Variants in PACSIN2 observed in about 807,000 individuals in gnomAD.
PACSIN2 encodes the protein protein kinase C and casein kinase substrate in neurons protein 2.
In PACSIN2, 25 loss-of-function variants were observed where a neutral mutation model predicts 63.8. That is an observed-to-expected ratio of 0.39 (90% CI 0.29 to 0.55). PACSIN2 has a LOEUF of 0.55. PACSIN2 is among the 20% of genes least tolerant of loss of function. PACSIN2 has a pLI of 0.62. For synonymous variants in PACSIN2, 255 were observed against 256.2 expected, an observed-to-expected ratio of 1.00 and a Z score of 0.05; for missense variants, 518 against 646.9, an observed-to-expected ratio of 0.80 and a Z score of 2.16.
chr22:42,931,318 A>G (rs1485178132), intron 1 of PACSIN2, among the ~76,000 whole-genome samples: 1 of 152,256 alleles, frequency 6.6e-6, no homozygotes, highest in Non-Finnish European at 1.5e-5. Context: ...TCCAGAAAAC[A>G]AAACTAACAC....
intron 6 of PACSIN2, among the ~76,000 whole-genome samples, chr22:42,883,146 A>C (rs1358550555): frequency 6.6e-6 from 1 of 152,160 alleles, no homozygotes; most frequent in African/African-American, 2.4e-5. Context: ...ACAGACAAGC[A>C]TCCACACGAT....
At chr22:42,881,780 A>G (rs1346153478) in intron 7 of PACSIN2, among the ~76,000 whole-genome samples, 3 of 151,046 alleles carry the variant, frequency 2.0e-5, no homozygotes, top group Non-Finnish European at 4.4e-5. Context: ...CACTGAGACC[A>G]CCTCCCCTCC....
intron 1 of PACSIN2, among the ~76,000 whole-genome samples, chr22:42,981,808 A>C (rs868265182): frequency 4.6e-4 from 40 of 87,378 alleles, no homozygotes; most frequent in South Asian, 8.8e-4. Context: ...CCAGCCGCCC[A>C]GTCCGGGAGG....
chr22:42,982,894 C>A (rs138277431), intron 1 of PACSIN2, among the ~76,000 whole-genome samples: 19,596 of 81,514 alleles, frequency 0.24, 2,805 homozygotes, highest in East Asian at 0.71. Context: ...AAAAAAACAA[C>A]AACAAGGCTA....
At chr22:42,936,789 C>A (rs576503577) in intron 1 of PACSIN2, among the ~76,000 whole-genome samples, 2 of 151,512 alleles carry the variant, frequency 1.3e-5, no homozygotes, top group East Asian at 3.9e-4. Flanking sequence ...CACACATCTG[C>A]AATTCCAGCT....
intron 8 of PACSIN2, among the ~76,000 whole-genome samples, chr22:42,877,372 G>C (rs1296344239): frequency 6.6e-6 from 1 of 152,118 alleles, no homozygotes; most frequent in Non-Finnish European, 1.5e-5. Context: ...TGTGAGCTGG[G>C]GGGGTCAAAA....
chr22:42,911,150 C>T (rs183128152), intron 2 of PACSIN2, among the ~76,000 whole-genome samples: 1 of 151,600 alleles, frequency 6.6e-6, no homozygotes, highest in African/African-American at 2.4e-5. Flanking sequence ...AAGATCCACC[C>T]GCCTCGGCCT....
intron 1 of PACSIN2, among the ~76,000 whole-genome samples, chr22:42,925,639 T>G (rs921209020): frequency 2.0e-5 from 3 of 152,208 alleles, no homozygotes; most frequent in African/African-American, 7.2e-5. Context: ...CTGGGTAATT[T>G]TGATTTATGG....
At chr22:43,002,221 G>A (rs1180363804) in intron 1 of PACSIN2, 2 of 152,216 alleles carry the variant, frequency 1.3e-5, no homozygotes, top group Admixed American at 6.5e-5. Flanking sequence ...CCCCCAGGCT[G>A]CCTGGCAGAA....
In PACSIN2 at chr22:42,981,358, G is replaced by T. The variant is rs1922103810; in HGVS notation, c.-78+33663C>A. ...ACCCCGTCCGGGAGGGAGGTGGGGG[G>T]GGTCAGCCCCCCGCCCGACCAGCCG... On this transcript the variant is annotated intron_variant, in intron 1 of 10. Transcript: ENST00000263246. 3.4e-5 allele frequency among the ~76,000 whole-genome samples: 5 copies of T among 145,476 alleles called. No individual in the cohort carries two copies. The South Asian group carries it at 1.1e-3, about 32-fold the overall frequency.
chr22:42,986,827 T>A (rs1199651471), intron 1 of PACSIN2, among the ~76,000 whole-genome samples: 1 of 152,134 alleles, frequency 6.6e-6, no homozygotes, highest in Non-Finnish European at 1.5e-5. Flanking sequence ...TCTATCCTTT[T>A]CTACCCATTC....
rs544161328 is a variant in PACSIN2, at chr22:42,964,663, G to T, written c.-78+50358C>A. Among the ~76,000 whole-genome samples the T allele has an allele frequency of 1.7e-3, 256 of 152,134 alleles. 2 individuals carry two copies. The highest frequency in any genetic ancestry group is 6.0e-3 in the African/African-American group (248 of 41,498). On this transcript the variant is annotated intron_variant, in intron 1 of 10. Coordinates refer to ENST00000263246, the MANE Select transcript of PACSIN2 (RefSeq NM_001184970.3). ...GGCTCTACAGTTCCTATGTACCTGG[G>T]TCCCTGAACTTTGCATGCCCCAAAC...
At chr22:42,930,790 G>C (rs1172647738) in intron 1 of PACSIN2, among the ~76,000 whole-genome samples, 2 of 152,184 alleles carry the variant, frequency 1.3e-5, no homozygotes, top group African/African-American at 4.8e-5. Flanking sequence ...GCATAAGAGT[G>C]TTTAAATAAC....
chr22:42,898,291 G>A (rs1225908006), intron 2 of PACSIN2, among the ~76,000 whole-genome samples: 2 of 114,564 alleles, frequency 1.7e-5, no homozygotes, highest in African/African-American at 6.3e-5. Context: ...TTTTTTTTTT[G>A]AGACAGTTTC....
At chr22:42,970,860 G>A (rs888762286) in intron 1 of PACSIN2, among the ~76,000 whole-genome samples, 1 of 152,140 alleles carries the variant, frequency 6.6e-6, no homozygotes, top group African/African-American at 2.4e-5. Flanking sequence ...CTGACCATGA[G>A]ATGGGAGGCT....
At chr22:42,995,435 G>C (rs1470325034) in intron 1 of PACSIN2, among the ~76,000 whole-genome samples, 1 of 152,142 alleles carries the variant, frequency 6.6e-6, no homozygotes, top group East Asian at 1.9e-4. Flanking sequence ...TTGTTTCATT[G>C]CACCCTCCGT....
chr22:42,956,181 A>G (rs1260922897), intron 1 of PACSIN2, among the ~76,000 whole-genome samples: 1 of 152,242 alleles, frequency 6.6e-6, no homozygotes, highest in African/African-American at 2.4e-5. Context: ...GATAATCTAA[A>G]TGCCATACTA....
Position 42,911,003 on chromosome 22 carries a change from C to T in PACSIN2, c.60+1018G>A, listed in dbSNP as rs528993404. 4.3e-3 allele frequency among the ~76,000 whole-genome samples: 652 copies of T among 152,016 alleles called. 7 individuals are homozygous for T. Among genetic ancestry groups the T allele is most frequent in the African/African-American group, 0.015 (633 of 41,444 alleles). On this transcript the variant is annotated intron_variant, in intron 2 of 10. Transcript: ENST00000263246. The stretch of plus-strand genomic sequence containing the variant: ...CACTGCAAGCTCCGCCTCCCGGGTT[C>T]ATGCCATTCTCCTGCCTCAGCCTCC...
Position 42,870,070 on chromosome 22 carries a change from C to T in PACSIN2, c.*1287G>A, listed in dbSNP as rs979206365. ...GCCGGCCCGCGTGGCCCCCGCGTAA[C>T]TCTGGCTGCAGCACCTGCTCCCGGG... is the stretch of plus-strand genomic sequence containing the variant. On this transcript the variant is annotated 3_prime_UTR_variant, in exon 11 of 11. Coordinates refer to ENST00000263246, the MANE Select transcript of PACSIN2 (RefSeq NM_001184970.3). The T allele has an allele frequency of 6.6e-6, 1 of 151,970 alleles. No individual in the cohort carries two copies. The highest frequency in any genetic ancestry group is 2.4e-5 in the African/African-American group (1 of 41,318). The allele number at this position is 151,970 out of a possible 1,614,324, so 9.4% of individuals were successfully genotyped here.
Sources: gnomAD v4.1 joint callset for allele counts (sites outside exome capture counted in the v4.1 genomes callset) on GRCh38, gnomAD v4.1.1 for gene constraint, MANE v1.5 for transcripts, NCBI Gene and HGNC (gene_info 2026-07-23, HGNC 2026-07-21) for gene names.